Variants in FCMR observed in about 807,000 individuals in gnomAD.
FCMR encodes the protein immunoglobulin mu Fc receptor.
Under a neutral mutation model 41.6 loss-of-function variants are expected in FCMR, and 34 were observed. The observed-to-expected ratio is 0.82, with a 90% CI of 0.62 to 1.09. The LOEUF (loss-of-function observed/expected upper bound fraction) is 1.09, where lower values mean the gene tolerates loss of function less well. Among genes scored for constraint, FCMR ranks in the 50% least tolerant of loss-of-function variants. The pLI, the probability that FCMR is intolerant of heterozygous loss-of-function variation, is 0.00. For synonymous variants in FCMR, 209 were observed against 211.8 expected, an observed-to-expected ratio of 0.99 and a Z score of 0.12; for missense variants, 496 against 512.5, an observed-to-expected ratio of 0.97 and a Z score of 0.31.
Position 206,904,881 on chromosome 1 carries a change from G to A in FCMR, c.*138C>T. ...GCCATGCTCAGGGCACAGATAGATG[G>A]GGATGGGAGTCGAGATGGGGCATGG... is the stretch of plus-strand genomic sequence containing the variant. On this transcript the variant is annotated 3_prime_UTR_variant, in exon 8 of 8. Transcript: ENST00000367091. The A allele has an allele frequency of 2.2e-6, 2 of 923,508 alleles. No individual in the cohort carries two copies. The highest frequency in any genetic ancestry group is 3.5e-6 in the Non-Finnish European group (2 of 579,130). 57.2% of individuals were successfully genotyped at this position (923,508 alleles called of 1,614,324 possible).
intron 7 of FCMR, 104 bp from the exon 8 acceptor site, chr1:206,905,251 A>G: frequency 7.6e-7 from 1 of 1,310,916 alleles, no homozygotes; most frequent in Non-Finnish European, 1.1e-6. Flanking sequence ...ATGGCTGCTG[A>G]GTTCCAGAAG....
chr1:206,911,617 A>T, intron 4 of FCMR, 113 bp downstream of exon 4: 1 of 952,914 alleles, frequency 1.0e-6, no homozygotes, highest in Non-Finnish European at 1.7e-6. Flanking sequence ...GGTATATTTC[A>T]CAGTGGCCTA....
intron 4 of FCMR, among the ~76,000 whole-genome samples, 156 bp from the exon 5 acceptor site, chr1:206,910,496 C>T (rs1678891890): frequency 6.6e-6 from 1 of 152,192 alleles, no homozygotes; most frequent in Non-Finnish European, 1.5e-5. Context: ...AAAGACTTGC[C>T]TATGGAGTCA....
intron 1 of FCMR, 137 bp downstream of exon 1, chr1:206,921,681 T>C: frequency 1.3e-6 from 1 of 795,710 alleles, no homozygotes; most frequent in East Asian, 2.6e-5. Context: ...TGGCCTCCAT[T>C]CTTGTCCTGC....
chr1:206,911,581 T>A lies in FCMR; in HGVS notation c.710+149A>T. 4.4e-6 allele frequency: 3 copies of A among 685,202 alleles called. No individual in the cohort carries two copies. In the South Asian group the frequency reaches 5.6e-5, roughly 13 times the overall value. 42.4% of individuals were successfully genotyped at this position (685,202 alleles called of 1,614,324 possible). A position where few individuals can be genotyped will look rare whatever the true frequency, so the allele number is the denominator to read the frequency against. On this transcript the variant is annotated intron_variant, in intron 4 of 7. Transcript: ENST00000367091. The stretch of plus-strand genomic sequence containing the variant: ...AGTGTGTTTTTGTTAAAGGAACTAA[T>A]GAGTTAATGAGCTATACTCATAGGT...
At chr1:206,914,234 T>A (rs536791656) in intron 1 of FCMR, 140 bp from the exon 2 acceptor site, 6 of 640,758 alleles carry the variant, frequency 9.4e-6, no homozygotes, top group Non-Finnish European at 1.6e-5. Flanking sequence ...GATCCAGCCC[T>A]GTCCCAATTA....
At chr1:206,923,047 C>T (rs2102587351), upstream of FCMR, 3 of 152,384 alleles carry the variant, frequency 2.0e-5, no homozygotes, top group Admixed American at 2.0e-4. Context: ...ATTCTCAGGG[C>T]TCTGTTCCTG....
At chr1:206,914,961 G>A (rs554361772) in intron 1 of FCMR, among the ~76,000 whole-genome samples, 17 of 152,282 alleles carry the variant, frequency 1.1e-4, no homozygotes, top group Admixed American at 5.2e-4. Flanking sequence ...TATGCCTCAG[G>A]TGACCCCAAA....
intron 1 of FCMR, among the ~76,000 whole-genome samples, chr1:206,918,683 G>C (rs1033374411): frequency 1.3e-5 from 2 of 151,628 alleles, no homozygotes; most frequent in African/African-American, 4.9e-5. Context: ...GTGTGTGTGT[G>C]TGTCTGTGCA....
In FCMR at chr1:206,907,274, T is replaced by C. The variant is rs538511612; in HGVS notation, c.1045-2127A>G. Among the ~76,000 whole-genome samples, 20 of 152,094 alleles carry C rather than the reference T, an allele frequency of 1.3e-4. No individual in the cohort carries two copies. The South Asian group carries it at 3.1e-3, about 24-fold the overall frequency. On this transcript the variant is annotated intron_variant, in intron 7 of 7. Transcript: ENST00000367091. ...TAAGTTTCAGCCTCTAGGATGCAAG[T>C]GGAAATGGTGGGAAACGTCAGGGTC... is the stretch of plus-strand genomic sequence containing the variant.
intron 7 of FCMR, chr1:206,906,182 C>G (rs1358516590): frequency 3.9e-6 from 2 of 513,602 alleles, no homozygotes; most frequent in South Asian, 1.5e-5. Flanking sequence ...GATGTCAACC[C>G]GAAGCAAATT....
In FCMR at chr1:206,921,886, A is replaced by G. The variant is rs377413548; in HGVS notation, c.-32T>C. 1.5e-4 allele frequency: 240 copies of G among 1,610,570 alleles called. 1 individual carries two copies. The African/African-American group carries it at 2.9e-3, about 20-fold the overall frequency. ...TTCTAGAGTGCAAGGTCCATCCAAGAGCCCCTAGAGAGGGGGATGGAGACA... is the reference window on the plus strand; with the variant it reads ...TTCTAGAGTGCAAGGTCCATCCAAGGGCCCCTAGAGAGGGGGATGGAGACA... On this transcript the variant is annotated 5_prime_UTR_variant, in exon 1 of 8. Transcript: ENST00000367091.
At position 206,905,093 on chromosome 1, in the gene FCMR, C is replaced by G. The variant is rs758585451; in HGVS notation, c.1099G>C (p.Val367Leu). 4.3e-6 allele frequency: 7 copies of G among 1,613,964 alleles called. No individual in the cohort carries two copies. Among genetic ancestry groups the G allele is most frequent in the African/African-American group, 1.3e-5 (1 of 74,986 alleles). The change falls in exon 8 of 8, where the codon GTG becomes CTG. Residue 367 changes from valine to leucine, a missense_variant. Physicochemically the swap from Val to Leu is conservative, Grantham distance 32. Coordinates refer to ENST00000367091, the MANE Select transcript of FCMR (RefSeq NM_005449.5). Reference sequence around the variant, plus strand: ...GCGGCAGGCTGGTGGTAGAGGCTCACGTATTCACAGCTGGTCTTCAGAGAT... The same window carrying G: ...GCGGCAGGCTGGTGGTAGAGGCTCAGGTATTCACAGCTGGTCTTCAGAGAT... ...APSLKTSCEY[V>L]SLYHQPAAMM...
At position 206,910,344 on chromosome 1, in the gene FCMR, G is replaced by C. The variant is rs778383416; in HGVS notation, c.711-4C>G. ...CTGTGAGCCATAGTCCAGTGCTCTG[G>C]GGAGGGAAGGAAAGGGAGAGAGGGA... On this transcript the variant is annotated splice_polypyrimidine_tract_variant and splice_region_variant and intron_variant, in intron 4 of 7. Coordinates refer to ENST00000367091, the MANE Select transcript of FCMR (RefSeq NM_005449.5). 1 of 1,542,636 alleles carries C rather than the reference G, an allele frequency of 6.5e-7. No homozygotes were observed. Among genetic ancestry groups the C allele is most frequent in the South Asian group, 1.2e-5 (1 of 81,110 alleles).
chr1:206,921,409 T>A (rs1160433801), intron 1 of FCMR: 2 of 446,784 alleles, frequency 4.5e-6, no homozygotes, highest in East Asian at 1.4e-4. Context: ...AAGACCATCC[T>A]GGGCAACACA....
intron 7 of FCMR, among the ~76,000 whole-genome samples, chr1:206,906,866 T>G (rs1393923072): frequency 2.6e-5 from 4 of 152,032 alleles, no homozygotes; most frequent in Non-Finnish European, 4.4e-5. Context: ...TGCACCATCC[T>G]CTGGAGTCAA....
At chr1:206,915,033 A>G (rs1276565214) in intron 1 of FCMR, among the ~76,000 whole-genome samples, 1 of 152,220 alleles carries the variant, frequency 6.6e-6, no homozygotes, top group African/African-American at 2.4e-5. Context: ...TTATGTTGCA[A>G]CAGGTTTTCC....
At chr1:206,913,287 G>C (rs921784343) in intron 2 of FCMR, among the ~76,000 whole-genome samples, 2 of 152,184 alleles carry the variant, frequency 1.3e-5, no homozygotes, top group Non-Finnish European at 2.9e-5. Flanking sequence ...AATTACTGCT[G>C]CATATGTGTG....
chr1:206,913,640 G>T, intron 2 of FCMR, 119 bp downstream of exon 2: 1 of 753,170 alleles, frequency 1.3e-6, no homozygotes, highest in Non-Finnish European at 2.2e-6. Flanking sequence ...ATCATTATGT[G>T]GCTTATATGG....
Sources: allele counts gnomAD v4.1 joint callset (sites outside exome capture counted in the v4.1 genomes callset), GRCh38; gene constraint gnomAD v4.1.1; transcripts MANE v1.5; gene names NCBI Gene and HGNC (gene_info 2026-07-23, HGNC 2026-07-21).